HMGCLL1: variants seen among roughly 807,000 people sequenced by gnomAD.
HMGCLL1 encodes 3-hydroxy-3-methylglutaryl-CoA lyase like 1.
A neutral mutation model predicts 39.1 loss-of-function variants in HMGCLL1; 36 were observed. The ratio of observed to expected loss-of-function variants is 0.92; its 90% CI spans 0.71 to 1.22. The LOEUF (loss-of-function observed/expected upper bound fraction) is 1.22. Ranked by LOEUF, HMGCLL1 falls within the 50% of genes most tolerant of loss-of-function variation. HMGCLL1 has a pLI of 0.00. For missense variants in HMGCLL1, 451 were observed against 416.5 expected, an observed-to-expected ratio of 1.08 and a Z score of -0.72; for synonymous variants, 149 against 144.0, an observed-to-expected ratio of 1.03 and a Z score of -0.25.
chr6:55,579,319 G>T, upstream of HMGCLL1: 11 of 550,292 alleles, frequency 2.0e-5, no homozygotes, highest in Non-Finnish European at 3.3e-6. Flanking sequence ...AGAGAAAGGA[G>T]CTGAGCCAGA....
At chr6:55,557,284 C>A (rs1028756674) in intron 1 of HMGCLL1, among the ~76,000 whole-genome samples, 89 of 152,266 alleles carry the variant, frequency 5.8e-4, no homozygotes, top group African/African-American at 2.0e-3. Flanking sequence ...AGCCTTTAAG[C>A]CAGACACTAA....
intron 7 of HMGCLL1, among the ~76,000 whole-genome samples, chr6:55,478,005 C>T (rs1037848196): frequency 3.4e-5 from 5 of 148,628 alleles, no homozygotes; most frequent in Non-Finnish European, 6.0e-5. Flanking sequence ...ATTTTACATT[C>T]AATATAACTA....
intron 1 of HMGCLL1, among the ~76,000 whole-genome samples, chr6:55,569,941 G>A (rs1415633275): frequency 6.6e-6 from 1 of 152,090 alleles, no homozygotes; most frequent in Admixed American, 6.5e-5. Flanking sequence ...GTGCATGTAA[G>A]TCAAGTCAAA....
At chr6:55,506,268 C>A (rs1443288783) in intron 5 of HMGCLL1, among the ~76,000 whole-genome samples, 2 of 151,630 alleles carry the variant, frequency 1.3e-5, no homozygotes, top group African/African-American at 4.8e-5. Flanking sequence ...ACTTTCTATA[C>A]CTTTTTGCTC....
rs567352040 is a variant in HMGCLL1, at chr6:55,506,400, C to T, written c.543-7101G>A. ...AAGGCCTCAGCCCCACCCAGAGCCA[C>T]GTGGAAAAAGTGTTAAGAGTCCCAT... On this transcript the variant is annotated intron_variant, in intron 5 of 8. Coordinates refer to ENST00000274901, the MANE Select transcript of HMGCLL1 (RefSeq NM_001042406.2). Among the ~76,000 whole-genome samples, 250 of 80,950 alleles carry T rather than the reference C, an allele frequency of 3.1e-3. 2 individuals carry two copies. Among genetic ancestry groups the T allele is most frequent in the Non-Finnish European group, 5.5e-3 (188 of 34,232 alleles). The allele number at this position is 80,950 out of a possible 152,430, so 53.1% of individuals were successfully genotyped here.
chr6:55,644,249 A>AT, the HMGCLL1 span, among the ~76,000 whole-genome samples: 1 of 151,582 alleles, frequency 6.6e-6, no homozygotes, highest in East Asian at 1.9e-4. Context: ...CAGTTGTTAG[A>AT]TTTTTTCCTA....
chr6:55,522,367 C>T (rs1020993487), intron 3 of HMGCLL1, among the ~76,000 whole-genome samples: 1 of 151,824 alleles, frequency 6.6e-6, no homozygotes, highest in African/African-American at 2.4e-5. Flanking sequence ...GGTAAAAATA[C>T]CTATCACCCT....
chr6:55,627,249 T>C, the HMGCLL1 span, among the ~76,000 whole-genome samples: 1 of 152,088 alleles, frequency 6.6e-6, no homozygotes, highest in South Asian at 2.1e-4. Flanking sequence ...TATACACTTG[T>C]ATTAAGAAAA....
chr6:55,547,580 TTC>T (rs35107036), intron 1 of HMGCLL1, among the ~76,000 whole-genome samples: 101,031 of 151,478 alleles, frequency 0.67, 33,947 homozygotes, highest in Admixed American at 0.72. Context: ...TATTGAAATA[TTC>T]TGTTTCATAG....
At chr6:55,582,939 G>A (rs963419210), upstream of HMGCLL1, among the ~76,000 whole-genome samples, 10 of 151,900 alleles carry the variant, frequency 6.6e-5, no homozygotes, top group Non-Finnish European at 1.3e-4. Flanking sequence ...CTAAAGTATA[G>A]CATGTTATTT....
At chr6:55,552,680 G>A (rs4479934) in intron 1 of HMGCLL1, among the ~76,000 whole-genome samples, 44,199 of 151,664 alleles carry the variant, frequency 0.29, 7,866 homozygotes, top group Non-Finnish European at 0.38. Context: ...GACATTTAAT[G>A]TGTGTAGGAC....
intron 3 of HMGCLL1, among the ~76,000 whole-genome samples, chr6:55,529,285 G>C (rs2127447258): frequency 6.6e-6 from 1 of 152,144 alleles, no homozygotes; most frequent in African/African-American, 2.4e-5. Flanking sequence ...TGTCAAAGTT[G>C]TTATTTCCCA....
the HMGCLL1 span, among the ~76,000 whole-genome samples, chr6:55,654,937 T>A: frequency 0.055 from 8,363 of 152,032 alleles, 396 homozygotes; most frequent in Non-Finnish European, 0.077. Flanking sequence ...AAAATCCCAA[T>A]GAATTCCATT....
the HMGCLL1 span, among the ~76,000 whole-genome samples, chr6:55,591,845 T>C: frequency 3.3e-5 from 5 of 151,990 alleles, no homozygotes; most frequent in African/African-American, 9.7e-5. Flanking sequence ...TTTAGTTGAA[T>C]ATTTTAAGGG....
chr6:55,525,859 T>C (rs1409472375), intron 3 of HMGCLL1, among the ~76,000 whole-genome samples: 1 of 151,930 alleles, frequency 6.6e-6, no homozygotes, highest in African/African-American at 2.4e-5. Context: ...AGTAGATTCC[T>C]GTGTAACCCA....
At chr6:55,517,062 G>A (rs1025715654) in intron 3 of HMGCLL1, among the ~76,000 whole-genome samples, 3 of 152,096 alleles carry the variant, frequency 2.0e-5, no homozygotes, top group African/African-American at 7.2e-5. Flanking sequence ...CTTTAGAACA[G>A]TTTAACAAGG....
At chr6:55,613,137 C>A in the HMGCLL1 span, among the ~76,000 whole-genome samples, 1 of 152,006 alleles carries the variant, frequency 6.6e-6, no homozygotes, top group Non-Finnish European at 1.5e-5. Flanking sequence ...GGGCAAAGGA[C>A]ATGAACAGAC....
At chr6:55,526,121 T>C (rs1394072377) in intron 3 of HMGCLL1, among the ~76,000 whole-genome samples, 3 of 151,884 alleles carry the variant, frequency 2.0e-5, no homozygotes, top group Non-Finnish European at 2.9e-5. Context: ...AGCTAAGCCT[T>C]TGAAGGTCTG....
intron 7 of HMGCLL1, among the ~76,000 whole-genome samples, chr6:55,467,190 T>C (rs1432460949): frequency 2.0e-5 from 3 of 152,092 alleles, no homozygotes; most frequent in African/African-American, 7.2e-5. Flanking sequence ...GAAGTGAAAT[T>C]ATGGCATCAA....
Sources: allele counts gnomAD v4.1 joint callset (sites outside exome capture counted in the v4.1 genomes callset), GRCh38; gene constraint gnomAD v4.1.1; transcripts MANE v1.5; gene names NCBI Gene and HGNC (gene_info 2026-07-23, HGNC 2026-07-21).